The following RNF20 variants were observed in gnomAD, a reference collection of about 807,000 sequenced individuals.
RNF20 encodes the protein E3 ubiquitin-protein ligase BRE1A.
Under a neutral mutation model 126.2 loss-of-function variants are expected in RNF20, and 84 were observed. The ratio of observed to expected loss-of-function variants is 0.67; its 90% CI spans 0.56 to 0.80. The LOEUF (loss-of-function observed/expected upper bound fraction) is 0.80, where lower values mean the gene tolerates loss of function less well. RNF20 is among the 30% of genes least tolerant of loss of function. The pLI is 0.00. For synonymous variants in RNF20, 400 were observed against 414.3 expected, an observed-to-expected ratio of 0.97 and a Z score of 0.42; for missense variants, 869 against 1,188.2, an observed-to-expected ratio of 0.73 and a Z score of 3.95.
At position 101,551,684 on chromosome 9, in the gene RNF20, C is replaced by T. The variant is rs1401591912; in HGVS notation, c.1273C>T (p.Arg425Ter). Reference protein sequence around the residue: ...THQHQVELIERDEVSLHKKLR... With the variant: ...THQHQVELIE ...TATTGGTTCCTTTATCTGTGTGTAG[C>T]GAGATGAGGTTAGTCTTCATAAGAA... Residue 425 changes from arginine to a stop codon, truncating the protein, a stop_gained and splice_region_variant, in exon 11 of 20, where the codon CGA becomes TGA. Coordinates refer to ENST00000389120, the MANE Select transcript of RNF20 (RefSeq NM_019592.7). LOFTEE classifies it high-confidence loss of function. The T allele has an allele frequency of 2.9e-6, 4 of 1,386,716 alleles. No homozygotes were observed. The highest frequency in any genetic ancestry group is 4.6e-5 in the Admixed American group (2 of 43,780). 85.9% of individuals were successfully genotyped at this position (1,386,716 alleles called of 1,614,324 possible). A position where few individuals can be genotyped will look rare whatever the true frequency, so the allele number is the denominator to read the frequency against.
intron 5 of RNF20, 42 bp downstream of exon 5, chr9:101,541,017 T>C (rs1173341846): frequency 6.8e-7 from 1 of 1,481,080 alleles, no homozygotes; most frequent in Non-Finnish European, 9.3e-7. Context: ...GGAGGAGGAA[T>C]AAGAATTCAT....
chr9:101,558,091 C>G (rs1827566083), intron 16 of RNF20, among the ~76,000 whole-genome samples: 2 of 150,698 alleles, frequency 1.3e-5, no homozygotes, highest in South Asian at 4.2e-4. Flanking sequence ...AGTGGTGATA[C>G]CAAGATTTTG....
At chr9:101,560,119 G>A (rs776772624) in intron 16 of RNF20, among the ~76,000 whole-genome samples, 13 of 152,110 alleles carry the variant, frequency 8.5e-5, no homozygotes, top group Non-Finnish European at 1.2e-4. Context: ...AAGGATGCTG[G>A]ATTTTGTCAA....
intron 2 of RNF20, among the ~76,000 whole-genome samples, chr9:101,538,470 T>C (rs1588216093): frequency 6.7e-6 from 1 of 150,254 alleles, no homozygotes; most frequent in South Asian, 2.1e-4. Context: ...AGGTAGGAGG[T>C]TTTAGGGAGG....
intron 2 of RNF20, 130 bp from the exon 3 acceptor site, chr9:101,540,073 G>C: frequency 1.2e-6 from 1 of 851,470 alleles, no homozygotes; most frequent in East Asian, 2.7e-5. Flanking sequence ...TTAATTACTT[G>C]TAAGATTTTT....
chr9:101,536,072 C>T (rs958875438), intron 2 of RNF20, among the ~76,000 whole-genome samples: 2 of 151,990 alleles, frequency 1.3e-5, no homozygotes, highest in African/African-American at 4.8e-5. Flanking sequence ...AATAAGAGTC[C>T]CTGTTAAGGG....
chr9:101,550,110 A>G (rs893613449), intron 9 of RNF20, among the ~76,000 whole-genome samples: 1 of 152,216 alleles, frequency 6.6e-6, no homozygotes, highest in Non-Finnish European at 1.5e-5. Flanking sequence ...AGGTTAAATG[A>G]TATGAATAAA....
At chr9:101,535,575 A>T in intron 2 of RNF20, 23 bp downstream of exon 2, 1 of 1,600,324 alleles carries the variant, frequency 6.2e-7, no homozygotes, top group Non-Finnish European at 8.5e-7. Context: ...AGTGCCATGA[A>T]AGTGTGCTTG....
At chr9:101,546,557 A>G (rs1212580909) in intron 6 of RNF20, among the ~76,000 whole-genome samples, 6 of 152,170 alleles carry the variant, frequency 3.9e-5, no homozygotes, top group Admixed American at 3.3e-4. Context: ...TGCTTTTCAG[A>G]GGTAGAAAAA....
Position 101,550,680 on chromosome 9 carries a change from C to T in RNF20, c.1167C>T (p.Ser389=), listed in dbSNP as rs369641360. Residue 389 remains serine (S), a synonymous_variant, in exon 10 of 20, where the codon TCC becomes TCT. Transcript: ENST00000389120. The part of the protein sequence containing the change: ...PEYRCMQSQF[S]VLYNESLQLK... ...ATCGCTGCATGCAGTCACAGTTCTCCGTCTTGTATAATGAGAGCCTACAGT... is the reference window on the plus strand; with the variant it reads ...ATCGCTGCATGCAGTCACAGTTCTCTGTCTTGTATAATGAGAGCCTACAGT... 4.7e-5 allele frequency: 76 copies of T among 1,613,904 alleles called. No homozygotes were observed. In the East Asian group the frequency reaches 1.2e-3, roughly 26 times the overall value.
At position 101,540,623 on chromosome 9, in the gene RNF20, A is replaced by T; in HGVS notation, c.431A>T (p.Asp144Val). The change falls in exon 4 of 20, where the codon GAT (aspartate) becomes GTT (valine). Residue 144 changes from aspartate to valine, a missense_variant. Transcript: ENST00000389120. ...TCTGATAGCAATCAGGAGCGTAAAG[A>T]TGACCGAGAGAGAGGCAAGTGTTCG... ...PDSDSNQERK[D>V]DRERGEGQEP... The T allele has an allele frequency of 6.2e-7, 1 of 1,614,122 alleles. No individual in the cohort carries two copies. Among genetic ancestry groups the T allele is most frequent in the Non-Finnish European group, 8.5e-7 (1 of 1,180,020 alleles).
At chr9:101,550,336 C>A (rs1827422560) in intron 9 of RNF20, among the ~76,000 whole-genome samples, 1 of 152,190 alleles carries the variant, frequency 6.6e-6, no homozygotes, top group Admixed American at 6.5e-5. Context: ...TTTCACTCTT[C>A]TGGTGGCTCA....
At chr9:101,542,012 A>G (rs1827266147) in intron 5 of RNF20, among the ~76,000 whole-genome samples, 1 of 152,222 alleles carries the variant, frequency 6.6e-6, no homozygotes, top group Non-Finnish European at 1.5e-5. Context: ...ATCATGGTCT[A>G]GTTGTAATAT....
chr9:101,550,715 A>C lies in RNF20; in HGVS notation c.1202A>C (p.His401Pro). Residue 401 changes from histidine to proline, a missense_variant, in exon 10 of 20, where the codon CAC becomes CCC. By Grantham distance (77) the His-to-Pro change is moderately conservative (BLOSUM62 -2). Around this residue, in one of 8 missense-constraint regions of RNF20, gnomAD observed 153 missense variants for 226.4 expected, o/e 0.68. Transcript: ENST00000389120. ...AATGAGAGCCTACAGTTGAAAGCAC[A>C]CTTGGATGAGGCTCGGACCCTGCTT... ...LYNESLQLKA[H>P]LDEARTLLHG... is the part of the protein sequence containing the mutation. 6.2e-7 allele frequency: 1 copy of C among 1,614,178 alleles called. No homozygotes were observed. The highest frequency in any genetic ancestry group is 8.5e-7 in the Non-Finnish European group (1 of 1,180,034).
Position 101,547,574 on chromosome 9 carries a change from G to GTA in RNF20, c.1092+61_1092+62dup, listed in dbSNP as rs375382859. 170 of 1,595,928 alleles carry GTA rather than the reference G, an allele frequency of 1.1e-4. No individual in the cohort carries two copies. In the African/African-American group the frequency reaches 2.0e-3, roughly 19 times the overall value. ...TCAGACGTTCTGCTGATCAACTCAC[G>GTA]TATATACATAGTTGTGAATCTGCGT... On this transcript the variant is annotated intron_variant, in intron 9 of 19. Transcript: ENST00000389120.
At position 101,562,252 on chromosome 9, in the gene RNF20, T is replaced by C. The variant is rs1827640164; in HGVS notation, c.2758T>C (p.Leu920=). The change falls in exon 20 of 20, where the codon TTG becomes CTG. Residue 920 remains leucine, a synonymous_variant. Transcript: ENST00000389120. ...MEEIKDYKAR[L]TCPCCNMRKK... is the part of the protein sequence containing the mutation. The stretch of plus-strand genomic sequence containing the variant: ...TGACATCTTTTCTTTTTAGGCACGC[T>C]TGACCTGTCCGTGCTGTAACATGCG... The C allele has an allele frequency of 2.5e-6, 4 of 1,612,874 alleles. No homozygotes were observed. Among genetic ancestry groups the C allele is most frequent in the Non-Finnish European group, 3.4e-6 (4 of 1,179,244 alleles).
intron 1 of RNF20, among the ~76,000 whole-genome samples, chr9:101,534,489 C>T (rs979114687): frequency 6.6e-6 from 1 of 152,148 alleles, no homozygotes; most frequent in African/African-American, 2.4e-5. Context: ...GAAAACACTG[C>T]AAACGTTAAA....
In RNF20 at chr9:101,562,347, C is replaced by T; in HGVS notation, c.2853C>T (p.Asp951=). ...FCFECVKTRY[D]TRQRKCPKCN... is the part of the protein sequence containing the mutation. ...TTGAGTGTGTGAAGACACGCTATGA[C>T]ACCCGCCAGCGCAAATGTCCCAAGT... Residue 951 remains aspartate (D), a synonymous_variant, in exon 20 of 20, where the codon GAC becomes GAT. Transcript: ENST00000389120. The T allele has an allele frequency of 6.2e-7, 1 of 1,614,012 alleles. No homozygotes were observed. Among genetic ancestry groups the T allele is most frequent in the Non-Finnish European group, 8.5e-7 (1 of 1,179,966 alleles).
intron 2 of RNF20, among the ~76,000 whole-genome samples, chr9:101,538,810 G>T (rs535688821): frequency 1.3e-5 from 2 of 152,288 alleles, no homozygotes; most frequent in Admixed American, 6.5e-5. Flanking sequence ...TTAAAATAAT[G>T]ATTTCATTAA....
Sources: allele counts gnomAD v4.1 joint callset (sites outside exome capture counted in the v4.1 genomes callset), GRCh38; gene constraint gnomAD v4.1.1; regional missense constraint gnomAD v4.1.1; transcripts MANE v1.5; gene names NCBI Gene and HGNC (gene_info 2026-07-23, HGNC 2026-07-21).